ABL2: variants seen among roughly 807,000 people sequenced by gnomAD.
The protein encoded by ABL2 is tyrosine-protein kinase ABL2.
A neutral mutation model predicts 107.7 loss-of-function variants in ABL2; 49 were observed. The ratio of observed to expected loss-of-function variants is 0.45; its 90% CI spans 0.36 to 0.58. ABL2 has a LOEUF of 0.58. Ranked by LOEUF, ABL2 falls within the 20% of genes least tolerant of loss-of-function variation. The pLI is 0.00. For missense variants in ABL2, 1,245 were observed against 1,457.0 expected, an observed-to-expected ratio of 0.85 and a Z score of 2.37; for synonymous variants, 549 against 548.6, an observed-to-expected ratio of 1.00 and a Z score of -0.01.
At chr1:179,118,442 A>C in intron 7 of ABL2, 145 bp downstream of exon 7, 1 of 732,040 alleles carries the variant, frequency 1.4e-6, no homozygotes. Flanking sequence ...TACAAGTTAG[A>C]AGTGACATTA....
chr1:179,113,009 C>T (rs1242146110), intron 9 of ABL2, among the ~76,000 whole-genome samples: 1 of 152,216 alleles, frequency 6.6e-6, no homozygotes, highest in Non-Finnish European at 1.5e-5. Context: ...CCGCCTCAGC[C>T]TCCCAAAGCG....
intron 1 of ABL2, among the ~76,000 whole-genome samples, chr1:179,171,990 A>G (rs1381706133): frequency 2.0e-5 from 3 of 152,258 alleles, no homozygotes; most frequent in Non-Finnish European, 2.9e-5. Context: ...AAAGGGGGAA[A>G]AAATGGAAAA....
intron 1 of ABL2, among the ~76,000 whole-genome samples, chr1:179,136,363 T>A (rs1413975206): frequency 1.3e-5 from 2 of 152,094 alleles, no homozygotes; most frequent in Non-Finnish European, 2.9e-5. Context: ...TGTTCTGTAC[T>A]AAGAAAAATT....
chr1:179,210,410 G>A (rs1662199661), intron 1 of ABL2, among the ~76,000 whole-genome samples: 1 of 148,486 alleles, frequency 6.7e-6, no homozygotes, highest in African/African-American at 2.5e-5. Context: ...ATAGGCTGAG[G>A]CGAGAATCGC....
chr1:179,132,047 T>C (rs1462439881), intron 2 of ABL2, among the ~76,000 whole-genome samples: 2 of 152,246 alleles, frequency 1.3e-5, no homozygotes, highest in Non-Finnish European at 2.9e-5. Flanking sequence ...AAAGTGCTTT[T>C]AGAAAAATAT....
At chr1:179,206,637 T>C (rs1169248980) in intron 1 of ABL2, among the ~76,000 whole-genome samples, 1 of 151,966 alleles carries the variant, frequency 6.6e-6, no homozygotes, top group Admixed American at 6.6e-5. Context: ...ACATGCATAA[T>C]ATATCTCTGA....
intron 7 of ABL2, among the ~76,000 whole-genome samples, chr1:179,117,980 C>CA (rs544704710): frequency 3.5e-4 from 52 of 149,480 alleles, no homozygotes; most frequent in East Asian, 5.9e-4. Context: ...ACAAAACAAA[C>CA]AAAAAAAAAC....
At position 179,126,593 on chromosome 1, in the gene ABL2, C is replaced by T; in HGVS notation, c.471G>A (p.Val157=). ...TCACTGGGGTGATGTAGTTGCTTGG[C>T]ACCCAGCCCTGCCCATTCTTAGAGC... ...EVRSKNGQGW[V]PSNYITPVNS... is the part of the protein sequence containing the mutation. Residue 157 remains valine, a synonymous_variant, in exon 4 of 12, where the codon GTG becomes GTA. Coordinates refer to ENST00000502732, the MANE Select transcript of ABL2 (RefSeq NM_007314.4). The surrounding 1 kb of genome is among the most constrained non-coding windows in gnomAD (Gnocchi z 4.4). 6.2e-7 allele frequency: 1 copy of T among 1,614,168 alleles called. No homozygotes were observed. Among genetic ancestry groups the T allele is most frequent in the Non-Finnish European group, 8.5e-7 (1 of 1,180,028 alleles).
At chr1:179,123,183 G>A (rs1193694802) in intron 4 of ABL2, among the ~76,000 whole-genome samples, 2 of 152,136 alleles carry the variant, frequency 1.3e-5, no homozygotes, top group African/African-American at 2.4e-5. Flanking sequence ...ACGTGCAGTT[G>A]AGTGTCTAGG....
At chr1:179,132,986 G>A (rs1218679931) in intron 2 of ABL2, among the ~76,000 whole-genome samples, 1 of 151,872 alleles carries the variant, frequency 6.6e-6, no homozygotes, top group Admixed American at 6.6e-5. Flanking sequence ...AGCCTCCCGA[G>A]TAGGTGGGAT....
intron 1 of ABL2, among the ~76,000 whole-genome samples, chr1:179,141,555 A>G (rs1017824514): frequency 3.9e-5 from 6 of 152,226 alleles, no homozygotes; most frequent in African/African-American, 7.2e-5. Context: ...AGTAATAACT[A>G]TAGGATAAAA....
intron 1 of ABL2, among the ~76,000 whole-genome samples, chr1:179,160,833 A>C (rs1297734190): frequency 4.6e-5 from 7 of 152,216 alleles, no homozygotes; most frequent in Non-Finnish European, 1.0e-4. Flanking sequence ...GATGTTCAAC[A>C]GCCATTAAGA....
chr1:179,174,343 T>C (rs1379607844), intron 1 of ABL2, among the ~76,000 whole-genome samples: 1 of 150,508 alleles, frequency 6.6e-6, no homozygotes, highest in East Asian at 2.0e-4. Context: ...GCCTGGTGGC[T>C]CACACCTGTA....
intron 8 of ABL2, chr1:179,116,999 C>T: frequency 3.0e-6 from 1 of 331,638 alleles, no homozygotes; most frequent in African/African-American, 2.1e-5. Context: ...GCCACCACGC[C>T]TGGCTAATTT....
chr1:179,103,191 T>A lies in ABL2; in HGVS notation c.*4527A>T, dbSNP rs1653246133. The A allele has an allele frequency of 4.7e-6, 1 of 212,590 alleles. No individual in the cohort carries two copies. The highest frequency in any genetic ancestry group is 5.9e-5 in the Admixed American group (1 of 17,012). 13.2% of individuals were successfully genotyped at this position (212,590 alleles called of 1,614,324 possible). ...TAAACCAAAAAGTTGGTCCCTAGTT[T>A]CCTGAAGTAATTCAGCTCTGAACTA... On this transcript the variant is annotated 3_prime_UTR_variant, in exon 12 of 12. Coordinates refer to ENST00000502732, the MANE Select transcript of ABL2 (RefSeq NM_007314.4).
At position 179,108,617 on chromosome 1, in the gene ABL2, C is replaced by T; in HGVS notation, c.2650G>A (p.Val884Met). 4 of 1,614,206 alleles carry T rather than the reference C, an allele frequency of 2.5e-6. No homozygotes were observed. In the South Asian group the frequency reaches 3.3e-5, roughly 13 times the overall value. The stretch of plus-strand genomic sequence containing the variant: ...TCTTTACCCTTGGGGGCAGCTGCCA[C>T]TCCAGCCACTCCCACCCCTGGAGGG... Reference protein sequence around the residue: ...KDPPGVGVAGVAAAPKGKEKN... With the variant: ...KDPPGVGVAGMAAAPKGKEKN... The change falls in exon 12 of 12, where the codon GTG becomes ATG. Residue 884 changes from valine (V) to methionine (M), a missense_variant. Val to Met is a conservative substitution (Grantham distance 21, BLOSUM62 1). Transcript: ENST00000502732.
At chr1:179,166,175 T>C (rs1338755129) in intron 1 of ABL2, among the ~76,000 whole-genome samples, 15 of 152,110 alleles carry the variant, frequency 9.9e-5, no homozygotes, top group Middle Eastern at 3.4e-3. Flanking sequence ...CTTCAGGACA[T>C]TGATCTAGGC....
intron 1 of ABL2, among the ~76,000 whole-genome samples, chr1:179,161,858 A>C (rs1167215260): frequency 6.6e-6 from 1 of 152,196 alleles, no homozygotes; most frequent in Non-Finnish European, 1.5e-5. Context: ...GGTGTTTAGG[A>C]CATGACGGCT....
chr1:179,228,444 G>C (rs928823524), intron 1 of ABL2, among the ~76,000 whole-genome samples: 2 of 152,120 alleles, frequency 1.3e-5, no homozygotes, highest in Admixed American at 6.5e-5. Flanking sequence ...CAAAATAATA[G>C]GTTTCAGACT....
Sources: allele counts gnomAD v4.1 joint callset (sites outside exome capture counted in the v4.1 genomes callset), GRCh38; gene constraint gnomAD v4.1.1; non-coding constraint Gnocchi (gnomAD v3.1); transcripts MANE v1.5; gene names NCBI Gene and HGNC (gene_info 2026-07-23, HGNC 2026-07-21).